Variants in TTC7A observed in about 807,000 individuals in gnomAD.
TTC7A encodes tetratricopeptide repeat domain 7A.
Under a neutral mutation model 103.7 loss-of-function variants are expected in TTC7A, and 110 were observed. The ratio of observed to expected loss-of-function variants is 1.06; its 90% CI spans 0.91 to 1.24. The LOEUF is 1.24. Among genes scored for constraint, TTC7A ranks in the 50% most tolerant of loss-of-function variants. The pLI is 0.00. For missense variants in TTC7A, 1,340 were observed against 1,116.3 expected (o/e 1.20, Z -2.86); for synonymous variants, 521 against 467.9 (o/e 1.11, Z -1.47).
At chr2:47,045,002 C>T (rs907764328) in intron 15 of TTC7A, among the ~76,000 whole-genome samples, 4 of 152,300 alleles carry the variant, frequency 2.6e-5, no homozygotes, top group Admixed American at 2.0e-4. Flanking sequence ...AGGGACCCTC[C>T]GATGGAGCAG....
chr2:47,070,966 C>G (rs532230326), intron 19 of TTC7A, among the ~76,000 whole-genome samples: 1 of 152,308 alleles, frequency 6.6e-6, no homozygotes, highest in South Asian at 2.1e-4. Context: ...GGGGCACATC[C>G]TCACCAGGAT....
At chr2:47,060,734 C>G in intron 18 of TTC7A, 35 bp from the exon 19 acceptor site, 1 of 1,563,294 alleles carries the variant, frequency 6.4e-7, no homozygotes, top group Non-Finnish European at 8.7e-7. Flanking sequence ...GACTCCCCAC[C>G]ACTCACACCT....
At chr2:47,012,209 C>T (rs1678149166) in intron 11 of TTC7A, among the ~76,000 whole-genome samples, 1 of 152,240 alleles carries the variant, frequency 6.6e-6, no homozygotes, top group African/African-American at 2.4e-5. Flanking sequence ...AATGGGGCCT[C>T]TGTGCAGGTA....
intron 15 of TTC7A, among the ~76,000 whole-genome samples, chr2:47,033,374 T>C (rs1680769530): frequency 6.6e-6 from 1 of 152,236 alleles, no homozygotes; most frequent in East Asian, 1.9e-4. Context: ...GGCGTCTCTT[T>C]TCAGCCATCA....
At chr2:47,059,643 T>C (rs1488637472) in intron 18 of TTC7A, among the ~76,000 whole-genome samples, 1 of 152,148 alleles carries the variant, frequency 6.6e-6, no homozygotes, top group Non-Finnish European at 1.5e-5. Context: ...TTCCATCCCC[T>C]TCTCCCTGGA....
intron 18 of TTC7A, among the ~76,000 whole-genome samples, chr2:47,059,845 C>A (rs531808628): frequency 6.6e-6 from 1 of 152,222 alleles, no homozygotes; most frequent in Admixed American, 6.5e-5. Context: ...CAGTTTTTGC[C>A]CCTCTAAAGT....
chr2:47,059,216 T>C (rs2692217), intron 18 of TTC7A, among the ~76,000 whole-genome samples: 73,765 of 150,882 alleles, frequency 0.49, 21,225 homozygotes, highest in Non-Finnish European at 0.65. Context: ...AGAGACGGGG[T>C]TTCACCATCC....
intron 11 of TTC7A, among the ~76,000 whole-genome samples, chr2:47,018,663 A>G (rs978798746): frequency 1.3e-5 from 2 of 151,800 alleles, no homozygotes; most frequent in African/African-American, 4.8e-5. Flanking sequence ...TATGAAATAT[A>G]CAGTTATATA....
chr2:46,951,691 G>C, intron 2 of TTC7A: 1 of 456,178 alleles, frequency 2.2e-6, no homozygotes. Flanking sequence ...GATTACAGGA[G>C]TGAGGCACTG....
chr2:47,051,452 G>A (rs916224620), intron 17 of TTC7A, among the ~76,000 whole-genome samples: 2 of 152,188 alleles, frequency 1.3e-5, no homozygotes, highest in African/African-American at 2.4e-5. Flanking sequence ...GGTTATTTCT[G>A]TTGTGTTCAC....
At chr2:46,989,490 T>G (rs1019637385) in intron 5 of TTC7A, among the ~76,000 whole-genome samples, 2 of 152,196 alleles carry the variant, frequency 1.3e-5, no homozygotes, top group African/African-American at 4.8e-5. Flanking sequence ...TGCAGAGCCC[T>G]GGAGAAGCCC....
intron 5 of TTC7A, among the ~76,000 whole-genome samples, chr2:46,985,044 G>A (rs1368152288): frequency 6.6e-6 from 1 of 152,140 alleles, no homozygotes; most frequent in Non-Finnish European, 1.5e-5. Flanking sequence ...GCTTCCCCCT[G>A]TCTGCACTCT....
intron 15 of TTC7A, among the ~76,000 whole-genome samples, chr2:47,031,521 G>A (rs1204534507): frequency 6.6e-6 from 1 of 152,194 alleles, no homozygotes; most frequent in African/African-American, 2.4e-5. Flanking sequence ...CTGGAGAAAG[G>A]AAAGGGCTCT....
chr2:46,957,069 C>G lies in TTC7A; in HGVS notation c.517+62C>G, dbSNP rs118098285. On this transcript the variant is annotated intron_variant, in intron 3 of 19. Coordinates refer to ENST00000319190, the MANE Select transcript of TTC7A (RefSeq NM_020458.4). ...TGTGCAGCTCGTTGCACTCTGACTCCCAGGGCCCTGCTGGGCTCGTGTCCA... is the reference window on the plus strand; with the variant it reads ...TGTGCAGCTCGTTGCACTCTGACTCGCAGGGCCCTGCTGGGCTCGTGTCCA... The G allele has an allele frequency of 9.0e-3, 14,388 of 1,599,402 alleles. 144 individuals are homozygous for G. The highest frequency in any genetic ancestry group is 0.044 in the East Asian group (1,968 of 44,746).
chr2:46,951,504 G>A (rs1305815167), intron 2 of TTC7A: 4 of 447,126 alleles, frequency 8.9e-6, no homozygotes, highest in Non-Finnish European at 1.3e-5. Flanking sequence ...AAAACTCAAA[G>A]AGGAAGTGAT....
At position 46,997,275 on chromosome 2, in the gene TTC7A, G is replaced by A. The variant is rs149644216; in HGVS notation, c.1065+2076G>A. Among the ~76,000 whole-genome samples, 12 of 152,140 alleles carry A rather than the reference G, an allele frequency of 7.9e-5. No homozygotes were observed. The East Asian group carries it at 1.9e-3, about 25-fold the overall frequency. ...ATTACAGGCATGAGCCACTGTGCCC[G>A]GCCTAAACACCGGTTATTTTGTGGC... On this transcript the variant is annotated intron_variant, in intron 8 of 19. Transcript: ENST00000319190.
At chr2:46,974,475 G>A (rs1673658270) in intron 3 of TTC7A, among the ~76,000 whole-genome samples, 1 of 152,156 alleles carries the variant, frequency 6.6e-6, no homozygotes, top group Non-Finnish European at 1.5e-5. Context: ...GTTGTCTCTA[G>A]AGGCAGTCTC....
chr2:46,939,069 A>G (rs1165599566), upstream of TTC7A, among the ~76,000 whole-genome samples: 1 of 151,660 alleles, frequency 6.6e-6, no homozygotes, highest in Non-Finnish European at 1.5e-5. Flanking sequence ...TGAAGCTGGG[A>G]GTTTAAGACC....
chr2:46,987,716 A>G (rs1675159490), intron 5 of TTC7A, among the ~76,000 whole-genome samples: 1 of 152,334 alleles, frequency 6.6e-6, no homozygotes, highest in East Asian at 1.9e-4. Flanking sequence ...CCAAAATCAA[A>G]CAACAGAGAA....
Sources: allele counts gnomAD v4.1 joint callset (sites outside exome capture counted in the v4.1 genomes callset), GRCh38; gene constraint gnomAD v4.1.1; transcripts MANE v1.5; gene names NCBI Gene and HGNC (gene_info 2026-07-23, HGNC 2026-07-21).